The following BBS9 variants were observed in gnomAD, a reference collection of about 807,000 sequenced individuals.
The protein encoded by BBS9 is protein PTHB1.
In BBS9, 89 loss-of-function variants were observed where a neutral mutation model predicts 117.7. The ratio of observed to expected loss-of-function variants is 0.76; its 90% CI spans 0.64 to 0.90. The LOEUF (loss-of-function observed/expected upper bound fraction) is 0.90. Among genes scored for constraint, BBS9 ranks in the 40% least tolerant of loss-of-function variants. The pLI is 0.00. For synonymous variants in BBS9, 379 were observed against 370.9 expected (o/e 1.02, Z -0.25); for missense variants, 982 against 1,042.2 (o/e 0.94, Z 0.80).
intron 9 of BBS9, among the ~76,000 whole-genome samples, chr7:33,310,603 A>G (rs1809003587): frequency 6.6e-6 from 1 of 152,196 alleles, no homozygotes; most frequent in Non-Finnish European, 1.5e-5. Context: ...ACCAGGATAT[A>G]TGGCTATACT....
At chr7:33,293,422 G>A (rs539713546) in intron 9 of BBS9, among the ~76,000 whole-genome samples, 1 of 152,040 alleles carries the variant, frequency 6.6e-6, no homozygotes, top group African/African-American at 2.4e-5. Context: ...TTATATGAGA[G>A]GAGATAAATC....
At chr7:33,463,630 G>A (rs1322830735) in intron 19 of BBS9, among the ~76,000 whole-genome samples, 1 of 151,978 alleles carries the variant, frequency 6.6e-6, no homozygotes, top group African/African-American at 2.4e-5. Context: ...ACTGGAACAA[G>A]TTTCAGCTAG....
chr7:33,225,571 A>C (rs1791094383), intron 5 of BBS9, among the ~76,000 whole-genome samples: 1 of 152,148 alleles, frequency 6.6e-6, no homozygotes, highest in East Asian at 1.9e-4. Context: ...TTGGTTCATC[A>C]ACCCTTTTGA....
rs918169506 is a variant in BBS9, at chr7:33,605,293, G to A, written c.*67G>A. 4 of 1,506,734 alleles carry A rather than the reference G, an allele frequency of 2.7e-6. No individual in the cohort carries two copies. The African/African-American group carries it at 4.1e-5, about 16-fold the overall frequency. The allele number at this position is 1,506,734 out of a possible 1,614,324, so 93.3% of individuals were successfully genotyped here. ...AAGGCCGAACCTGTGTGAACCTCAT[G>A]CCAAGCACAGATATAGGGCTGGCGC... On this transcript the variant is annotated 3_prime_UTR_variant, in exon 23 of 23. Transcript: ENST00000242067.
chr7:33,180,249 G>GC (rs1336999519), intron 5 of BBS9, among the ~76,000 whole-genome samples: 1 of 152,194 alleles, frequency 6.6e-6, no homozygotes, highest in Non-Finnish European at 1.5e-5. Context: ...GCAGTAGGGG[G>GC]TACCTGTGTC....
intron 19 of BBS9, among the ~76,000 whole-genome samples, chr7:33,466,528 A>ATG (rs990961532): frequency 6.6e-6 from 1 of 152,022 alleles, no homozygotes; most frequent in African/African-American, 2.4e-5. Context: ...GTGTATATAT[A>ATG]TGTGTGTGTG....
chr7:33,524,890 C>G (rs188127879), intron 20 of BBS9, among the ~76,000 whole-genome samples: 10 of 152,192 alleles, frequency 6.6e-5, no homozygotes, highest in Admixed American at 6.5e-4. Flanking sequence ...GCATTTAGTG[C>G]TATAAATTTC....
At chr7:33,243,790 G>C (rs1375600521) in intron 5 of BBS9, among the ~76,000 whole-genome samples, 2 of 152,190 alleles carry the variant, frequency 1.3e-5, no homozygotes, top group East Asian at 3.8e-4. Flanking sequence ...ACGAAAAAGA[G>C]CTAATGTAAG....
At chr7:33,288,345 A>G (rs1446989483) in intron 9 of BBS9, among the ~76,000 whole-genome samples, 1 of 152,160 alleles carries the variant, frequency 6.6e-6, no homozygotes, top group Non-Finnish European at 1.5e-5. Context: ...GTTGTGAGAC[A>G]AAAAACTCTG....
At chr7:33,153,617 A>C (rs985831433) in intron 3 of BBS9, among the ~76,000 whole-genome samples, 2 of 152,146 alleles carry the variant, frequency 1.3e-5, no homozygotes, top group African/African-American at 2.4e-5. Flanking sequence ...ACATTTGTTT[A>C]TCATAATTTA....
At chr7:33,586,605 G>T (rs941960635) in intron 21 of BBS9, among the ~76,000 whole-genome samples, 4 of 152,016 alleles carry the variant, frequency 2.6e-5, no homozygotes, top group African/African-American at 9.7e-5. Flanking sequence ...TATGTTCATC[G>T]CAGTGCTATT....
At position 33,524,686 on chromosome 7, in the gene BBS9, C is replaced by T. The variant is rs551726455; in HGVS notation, c.2299-9268C>T. On this transcript the variant is annotated intron_variant, in intron 20 of 22. Transcript: ENST00000242067. ...TAGCGGTCTATCAATTTTGTTGATC[C>T]TTTCAAAAAACCAGCTCCTGGATTC... 8.2e-3 allele frequency among the ~76,000 whole-genome samples: 1,249 copies of T among 152,010 alleles called. 4 individuals are homozygous for T. Among genetic ancestry groups the T allele is most frequent in the Non-Finnish European group, 0.013 (865 of 67,944 alleles).
At chr7:33,265,755 A>G (rs1346623784) in intron 7 of BBS9, among the ~76,000 whole-genome samples, 1 of 152,154 alleles carries the variant, frequency 6.6e-6, no homozygotes, top group Non-Finnish European at 1.5e-5. Context: ...AGGCAGGAGA[A>G]TCGCTTGAAC....
intron 5 of BBS9, among the ~76,000 whole-genome samples, chr7:33,216,288 A>G (rs1789047806): frequency 6.6e-6 from 1 of 152,236 alleles, no homozygotes; most frequent in Non-Finnish European, 1.5e-5. Context: ...TGGTTCTTCC[A>G]TTAGTAGCAG....
chr7:33,287,979 C>T (rs1276005567), intron 9 of BBS9, among the ~76,000 whole-genome samples: 1 of 152,068 alleles, frequency 6.6e-6, no homozygotes, highest in East Asian at 1.9e-4. Context: ...CTAAGACATG[C>T]CCACAGCTGC....
chr7:33,432,322 G>A (rs1269594255), intron 19 of BBS9, among the ~76,000 whole-genome samples: 1 of 151,196 alleles, frequency 6.6e-6, no homozygotes, highest in African/African-American at 2.4e-5. Context: ...TGTTAGCCAG[G>A]ATAGTCTCGA....
intron 5 of BBS9, among the ~76,000 whole-genome samples, chr7:33,223,311 C>T (rs1198686508): frequency 6.8e-6 from 1 of 147,804 alleles, no homozygotes; most frequent in Non-Finnish European, 1.5e-5. Context: ...GTGATGAGTA[C>T]ATTTAAAATA....
rs75824604 is a variant in BBS9 at position 33,233,384 on chromosome 7, C to A, written c.443-23852C>A. 1.6e-3 allele frequency among the ~76,000 whole-genome samples: 237 copies of A among 152,138 alleles called. 2 individuals carry two copies. The East Asian group carries it at 0.041, about 27-fold the overall frequency. On this transcript the variant is annotated intron_variant, in intron 5 of 22. Coordinates refer to ENST00000242067, the MANE Select transcript of BBS9 (RefSeq NM_198428.3). The stretch of plus-strand genomic sequence containing the variant: ...AAACTACAAATAATCTGTCTAGTAT[C>A]ATTTTACCTAGAAGAGGGAAGCTTT...
chr7:33,244,192 T>C (rs1340715034), intron 5 of BBS9, among the ~76,000 whole-genome samples: 1 of 152,178 alleles, frequency 6.6e-6, no homozygotes, highest in Non-Finnish European at 1.5e-5. Context: ...ATTGTGCCAC[T>C]GCACTCCAGC....
Sources: allele counts gnomAD v4.1 joint callset (sites outside exome capture counted in the v4.1 genomes callset), GRCh38; gene constraint gnomAD v4.1.1; transcripts MANE v1.5; gene names NCBI Gene and HGNC (gene_info 2026-07-23, HGNC 2026-07-21).